The following GABRB1 variants were observed in gnomAD, a reference collection of about 807,000 sequenced individuals.
GABRB1 encodes gamma-aminobutyric acid receptor subunit beta-1.
In GABRB1, 17 loss-of-function variants were observed where a neutral mutation model predicts 51.6. The ratio of observed to expected loss-of-function variants is 0.33; its 90% CI spans 0.23 to 0.49. The LOEUF (loss-of-function observed/expected upper bound fraction) is 0.49. Among genes scored for constraint, GABRB1 ranks in the 20% least tolerant of loss-of-function variants. The pLI, the probability that GABRB1 is intolerant of heterozygous loss-of-function variation, is 0.99. For synonymous variants in GABRB1, 247 were observed against 218.9 expected, an observed-to-expected ratio of 1.13 and a Z score of -1.14; for missense variants, 410 against 600.6, an observed-to-expected ratio of 0.68 and a Z score of 3.32.
chr4:47,045,464 ATCATCAT>A (rs1223378279), intron 3 of GABRB1, among the ~76,000 whole-genome samples: 12 of 151,652 alleles, frequency 7.9e-5, no homozygotes, highest in Non-Finnish European at 1.8e-4. Context: ...CATCATCATC[ATCATCAT>A]CATCATCATC....
At chr4:47,012,432 A>C (rs1198499462) in intron 1 of GABRB1, among the ~76,000 whole-genome samples, 8 of 152,068 alleles carry the variant, frequency 5.3e-5, no homozygotes, top group Non-Finnish European at 1.5e-5. Flanking sequence ...CTCACTTATA[A>C]GTGAGAACAT....
intron 5 of GABRB1, among the ~76,000 whole-genome samples, chr4:47,351,582 C>G (rs1726338324): frequency 7.6e-6 from 1 of 131,526 alleles, no homozygotes. Flanking sequence ...ACAACAGTCC[C>G]CGGAGTGTGA....
intron 5 of GABRB1, among the ~76,000 whole-genome samples, chr4:47,364,628 A>C (rs1726917468): frequency 6.6e-6 from 1 of 151,830 alleles, no homozygotes. Flanking sequence ...AGACTAAAAA[A>C]AATTTAAACA....
upstream of GABRB1, among the ~76,000 whole-genome samples, chr4:47,030,084 A>G (rs949960607): frequency 7.2e-5 from 11 of 152,092 alleles, no homozygotes; most frequent in African/African-American, 2.7e-4. Flanking sequence ...TTTTGATTCA[A>G]ATTGGTTATA....
At chr4:47,098,956 TAGAC>T (rs1284434803) in intron 3 of GABRB1, among the ~76,000 whole-genome samples, 5 of 152,124 alleles carry the variant, frequency 3.3e-5, no homozygotes, top group African/African-American at 9.7e-5. Context: ...ATGTTATTCT[TAGAC>T]AGCTCTTAAC....
intron 5 of GABRB1, among the ~76,000 whole-genome samples, chr4:47,345,822 C>T (rs1181199229): frequency 6.6e-6 from 1 of 152,120 alleles, no homozygotes; most frequent in African/African-American, 2.4e-5. Flanking sequence ...GAAAAAAAGA[C>T]CCTTCCAGCT....
chr4:47,085,129 TC>T (rs1374249078), intron 3 of GABRB1, among the ~76,000 whole-genome samples: 1 of 152,208 alleles, frequency 6.6e-6, no homozygotes, highest in African/African-American at 2.4e-5. Context: ...TTTCCTCATA[TC>T]CAAAATGAAG....
At chr4:47,094,993 T>C (rs74957146) in intron 3 of GABRB1, among the ~76,000 whole-genome samples, 3 of 151,968 alleles carry the variant, frequency 2.0e-5, no homozygotes, top group Non-Finnish European at 4.4e-5. Flanking sequence ...GAAAACAAAA[T>C]GTCAGGCAGA....
At chr4:47,295,149 A>G (rs1723921390) in intron 4 of GABRB1, among the ~76,000 whole-genome samples, 1 of 152,200 alleles carries the variant, frequency 6.6e-6, no homozygotes, top group South Asian at 2.1e-4. Flanking sequence ...AAAACCACAA[A>G]GATGGGGAAA....
intron 4 of GABRB1, among the ~76,000 whole-genome samples, chr4:47,260,539 C>A (rs1722388808): frequency 6.6e-6 from 1 of 152,132 alleles, no homozygotes; most frequent in African/African-American, 2.4e-5. Flanking sequence ...CAAAATCTCT[C>A]AGCATTTGAT....
At chr4:47,177,261 G>C (rs905114253) in intron 4 of GABRB1, among the ~76,000 whole-genome samples, 7 of 152,090 alleles carry the variant, frequency 4.6e-5, no homozygotes, top group African/African-American at 1.7e-4. Flanking sequence ...ATGGAATATA[G>C]TTGCTTGTGT....
chr4:47,287,857 T>C (rs1165370209), intron 4 of GABRB1, among the ~76,000 whole-genome samples: 2 of 152,178 alleles, frequency 1.3e-5, no homozygotes, highest in East Asian at 3.8e-4. Flanking sequence ...GCCAGCAAGA[T>C]ACTGAGATTC....
intron 3 of GABRB1, 97 bp downstream of exon 3, chr4:47,032,581 C>T (rs555850778): frequency 1.7e-6 from 2 of 1,200,044 alleles, no homozygotes; most frequent in South Asian, 2.4e-5. Context: ...GTCACCTCGC[C>T]CCTGGCCCCT....
intron 3 of GABRB1, among the ~76,000 whole-genome samples, chr4:47,114,179 G>T (rs186010657): frequency 7.2e-6 from 1 of 139,210 alleles, no homozygotes; most frequent in East Asian, 2.0e-4. Flanking sequence ...ATGTTTTTAG[G>T]CAGCTAATCA....
intron 3 of GABRB1, among the ~76,000 whole-genome samples, chr4:47,120,120 A>C (rs926449979): frequency 2.0e-5 from 3 of 152,202 alleles, no homozygotes; most frequent in Admixed American, 6.5e-5. Context: ...AAGAGACAAA[A>C]AAGTTAATTA....
chr4:47,218,828 G>C (rs1366369594), intron 4 of GABRB1, among the ~76,000 whole-genome samples: 1 of 151,772 alleles, frequency 6.6e-6, no homozygotes, highest in South Asian at 2.1e-4. Flanking sequence ...ACCATCTAAT[G>C]CAGATGCCAA....
intron 3 of GABRB1, among the ~76,000 whole-genome samples, chr4:47,152,525 T>C (rs1330926499): frequency 1.3e-5 from 2 of 152,062 alleles, no homozygotes; most frequent in Non-Finnish European, 2.9e-5. Context: ...TCTCACCTTA[T>C]GCTCTCTCCA....
intron 3 of GABRB1, among the ~76,000 whole-genome samples, chr4:47,107,470 C>T (rs747202117): frequency 6.6e-6 from 1 of 151,856 alleles, no homozygotes; most frequent in Non-Finnish European, 1.5e-5. Context: ...AAAATTAATA[C>T]AAGATAATAT....
chr4:47,055,312 A>T (rs1030130189), intron 3 of GABRB1, among the ~76,000 whole-genome samples: 13 of 152,196 alleles, frequency 8.5e-5, no homozygotes, highest in Non-Finnish European at 1.6e-4. Context: ...CCTCAAACAA[A>T]AAATGAATAA....
Sources: gnomAD v4.1 joint callset for allele counts (sites outside exome capture counted in the v4.1 genomes callset) on GRCh38, gnomAD v4.1.1 for gene constraint, MANE v1.5 for transcripts, NCBI Gene and HGNC (gene_info 2026-07-23, HGNC 2026-07-21) for gene names.